SNX29: variants seen among roughly 807,000 people sequenced by gnomAD.
The protein encoded by SNX29 is sorting nexin 29, also known as sorting nexin-29.
Under a neutral mutation model 102.1 loss-of-function variants are expected in SNX29, and 78 were observed. The ratio of observed to expected loss-of-function variants is 0.76; its 90% CI spans 0.64 to 0.92. The LOEUF is 0.92. Among genes scored for constraint, SNX29 ranks in the 40% least tolerant of loss-of-function variants. SNX29 has a pLI of 0.00. For synonymous variants in SNX29, 580 were observed against 414.5 expected (o/e 1.40, Z -4.85); for missense variants, 1,280 against 1,061.7 (o/e 1.21, Z -2.86).
At chr16:12,445,039 TG>T (rs1271053748) in intron 18 of SNX29, among the ~76,000 whole-genome samples, 6 of 151,958 alleles carry the variant, frequency 3.9e-5, no homozygotes, top group Admixed American at 3.3e-4. Context: ...TTAGTAGAGA[TG>T]GGGTTTCACC....
intron 13 of SNX29, among the ~76,000 whole-genome samples, chr16:12,150,008 C>T (rs1413077367): frequency 2.0e-5 from 3 of 152,092 alleles, no homozygotes; most frequent in Admixed American, 6.5e-5. Flanking sequence ...GTCCAGAGTA[C>T]GTTTGGGGAA....
At chr16:12,511,654 G>C (rs1047873670) in intron 19 of SNX29, among the ~76,000 whole-genome samples, 1 of 152,158 alleles carries the variant, frequency 6.6e-6, no homozygotes, top group Admixed American at 6.5e-5. Flanking sequence ...TTTATTTTCT[G>C]TTCTAACATT....
At position 12,572,755 on chromosome 16, in the gene SNX29, T is replaced by C. The variant is rs146902486; in HGVS notation, c.*4126T>C. ...CAAAGGAAGGGCTGGGTTTTCAGCT[T>C]CTGGGACCCGAGGAAGACCCCACCT... On this transcript the variant is annotated 3_prime_UTR_variant, in exon 21 of 21. Coordinates refer to ENST00000566228, the MANE Select transcript of SNX29 (RefSeq NM_032167.5). The C allele has an allele frequency of 1.3e-4, 143 of 1,064,044 alleles. 1 individual carries two copies. The African/African-American group carries it at 2.1e-3, about 16-fold the overall frequency. The allele number at this position is 1,064,044 out of a possible 1,614,324, so 65.9% of individuals were successfully genotyped here. A position where few individuals can be genotyped will look rare whatever the true frequency, so the allele number is the denominator to read the frequency against.
intron 13 of SNX29, among the ~76,000 whole-genome samples, chr16:12,179,022 C>T (rs1449685576): frequency 2.0e-5 from 3 of 151,998 alleles, no homozygotes; most frequent in African/African-American, 7.3e-5. Context: ...AATAAATAAC[C>T]CTGTAATACT....
intron 19 of SNX29, among the ~76,000 whole-genome samples, chr16:12,499,812 GC>G (rs1283790083): frequency 7.9e-5 from 12 of 151,982 alleles, no homozygotes; most frequent in Admixed American, 1.3e-4. Flanking sequence ...AGTACCTGGG[GC>G]CACAGTTACG....
intron 20 of SNX29, among the ~76,000 whole-genome samples, chr16:12,549,189 A>G: frequency 6.6e-6 from 1 of 152,182 alleles, no homozygotes; most frequent in South Asian, 2.1e-4. Flanking sequence ...TGCAGGGGCT[A>G]GGCACCCCTC....
At chr16:12,522,793 C>T (rs990619403) in intron 19 of SNX29, among the ~76,000 whole-genome samples, 6 of 152,164 alleles carry the variant, frequency 3.9e-5, no homozygotes, top group South Asian at 4.1e-4. Context: ...TACCCAGTCT[C>T]AGGTAGTTCC....
intron 15 of SNX29, among the ~76,000 whole-genome samples, chr16:12,338,931 G>A (rs953759606): frequency 2.0e-5 from 3 of 152,236 alleles, no homozygotes; most frequent in African/African-American, 4.8e-5. Context: ...CTGCCCTGCA[G>A]CTTAGAGTCC....
At chr16:12,268,314 C>T (rs2078993671) in intron 14 of SNX29, among the ~76,000 whole-genome samples, 1 of 152,158 alleles carries the variant, frequency 6.6e-6, no homozygotes, top group Non-Finnish European at 1.5e-5. Context: ...TGGTACCTGG[C>T]AGGTAATGAA....
At chr16:12,250,065 C>T (rs2078376697) in intron 14 of SNX29, among the ~76,000 whole-genome samples, 2 of 152,150 alleles carry the variant, frequency 1.3e-5, no homozygotes, top group African/African-American at 4.8e-5. Context: ...AGCAGGAGCC[C>T]ATCACCAGGA....
chr16:11,976,973 G>C (rs530344123), intron 1 of SNX29, 160 bp downstream of exon 1: 26 of 964,140 alleles, frequency 2.7e-5, no homozygotes, highest in South Asian at 4.3e-5. Flanking sequence ...CTCCCGGCTC[G>C]TGGCCCCTGC....
At chr16:12,444,290 AGTAAGCACTCAGTATAGCACCTAGCATG>A (rs1348920638) in intron 18 of SNX29, among the ~76,000 whole-genome samples, 2 of 151,860 alleles carry the variant, frequency 1.3e-5, no homozygotes, top group African/African-American at 2.4e-5. Context: ...CCTAGCATGT[AGTAAGCACTCAGTATAGCACCTAGCATG>A]TAGTAAGCAC....
chr16:12,476,391 T>TATATATATATAC (rs2087619202), intron 18 of SNX29, among the ~76,000 whole-genome samples: 9 of 14,062 alleles, frequency 6.4e-4, no homozygotes, highest in Non-Finnish European at 8.3e-4. Context: ...AAAATATATA[T>TATATATATATAC]ATATATATAT....
intron 7 of SNX29, among the ~76,000 whole-genome samples, chr16:12,050,025 A>C (rs956621577): frequency 5.3e-5 from 8 of 152,216 alleles, no homozygotes; most frequent in African/African-American, 9.6e-5. Flanking sequence ...GTAGAGTCCC[A>C]TGGTGTCTTT....
chr16:12,278,224 A>T (rs2079316974), intron 15 of SNX29, among the ~76,000 whole-genome samples, 188 bp downstream of exon 15: 1 of 152,252 alleles, frequency 6.6e-6, no homozygotes, highest in Non-Finnish European at 1.5e-5. Context: ...CCTTTGAAAA[A>T]TGTCACTTAA....
chr16:12,403,357 T>G (rs1450903300), intron 17 of SNX29, 91 bp from the exon 18 acceptor site: 9 of 1,283,196 alleles, frequency 7.0e-6, no homozygotes, highest in Non-Finnish European at 9.9e-6. Context: ...CCTCTTGGAG[T>G]AGAAAATTGT....
chr16:12,492,109 A>C (rs1289425093), intron 19 of SNX29, among the ~76,000 whole-genome samples: 2 of 152,316 alleles, frequency 1.3e-5, no homozygotes, highest in Admixed American at 1.3e-4. Context: ...CGCCACACTG[A>C]CTTCCACAAT....
intron 20 of SNX29, among the ~76,000 whole-genome samples, chr16:12,527,696 G>T (rs1597750544): frequency 6.6e-6 from 1 of 152,152 alleles, no homozygotes; most frequent in Non-Finnish European, 1.5e-5. Flanking sequence ...TAGGGTGTTT[G>T]GCACCATAGC....
chr16:12,566,977 G>A (rs1396210361), intron 20 of SNX29, among the ~76,000 whole-genome samples: 1 of 152,220 alleles, frequency 6.6e-6, no homozygotes, highest in Non-Finnish European at 1.5e-5. Flanking sequence ...CTCGCACAGT[G>A]GCCATGTCCC....
Sources: allele counts gnomAD v4.1 joint callset (sites outside exome capture counted in the v4.1 genomes callset), GRCh38; gene constraint gnomAD v4.1.1; transcripts MANE v1.5; gene names NCBI Gene and HGNC (gene_info 2026-07-23, HGNC 2026-07-21).